The following RALGAPA2 variants were observed in gnomAD, a reference collection of about 807,000 sequenced individuals.
The protein encoded by RALGAPA2 is ral GTPase-activating protein subunit alpha-2.
In RALGAPA2, 139 loss-of-function variants were observed where a neutral mutation model predicts 230.4. That is an observed-to-expected ratio of 0.60 (90% CI 0.53 to 0.69). The LOEUF is 0.69. RALGAPA2 is among the 30% of genes least tolerant of loss of function. The pLI, the probability that RALGAPA2 is intolerant of heterozygous loss-of-function variation, is 0.00. For synonymous variants in RALGAPA2, 847 were observed against 837.8 expected, an observed-to-expected ratio of 1.01 and a Z score of -0.19; for missense variants, 2,163 against 2,276.0, an observed-to-expected ratio of 0.95 and a Z score of 1.01.
intron 30 of RALGAPA2, among the ~76,000 whole-genome samples, chr20:20,522,295 A>T (rs977653685): frequency 6.6e-6 from 1 of 152,192 alleles, no homozygotes; most frequent in South Asian, 2.1e-4. Flanking sequence ...TATTGGTCCA[A>T]AACTCTAAAC....
At chr20:20,645,025 G>A (rs770272345) in intron 4 of RALGAPA2, among the ~76,000 whole-genome samples, 1 of 151,560 alleles carries the variant, frequency 6.6e-6, no homozygotes, top group Non-Finnish European at 1.5e-5. Context: ...ACTTTCTCCT[G>A]GTCATTGTGT....
At chr20:20,575,467 T>C (rs546521251) in intron 20 of RALGAPA2, among the ~76,000 whole-genome samples, 1 of 151,762 alleles carries the variant, frequency 6.6e-6, no homozygotes, top group South Asian at 2.1e-4. Context: ...ATGAAAACTC[T>C]CCTTTAATCC....
rs575231751 is a variant in RALGAPA2 at position 20,640,985 on chromosome 20, T to A, written c.373-107A>T. On this transcript the variant is annotated intron_variant, in intron 5 of 39. Transcript: ENST00000202677. ...GAAAAACTACAAGTTAAAGGTGTGT[T>A]AAGTAGTAAACCAAATTCTTCACTT... The A allele has an allele frequency of 2.0e-5, 20 of 1,017,736 alleles. No individual in the cohort carries two copies. The Admixed American group carries it at 2.2e-4, about 11-fold the overall frequency. 63.0% of individuals were successfully genotyped at this position (1,017,736 alleles called of 1,614,324 possible). A position where few individuals can be genotyped will look rare whatever the true frequency, so the allele number is the denominator to read the frequency against.
At chr20:20,491,207 C>T (rs1163572125) in intron 36 of RALGAPA2, among the ~76,000 whole-genome samples, 1 of 152,154 alleles carries the variant, frequency 6.6e-6, no homozygotes, top group East Asian at 1.9e-4. Flanking sequence ...ACTTCCCCTC[C>T]TACGCTTTTC....
chr20:20,458,805 C>T (rs1476868938), intron 37 of RALGAPA2, among the ~76,000 whole-genome samples: 2 of 127,278 alleles, frequency 1.6e-5, no homozygotes, highest in African/African-American at 3.1e-5. Context: ...TATATATAGA[C>T]CTATATATAT....
At chr20:20,619,459 T>G (rs2066255956) in intron 11 of RALGAPA2, 45 bp from the exon 12 acceptor site, 1 of 1,404,986 alleles carries the variant, frequency 7.1e-7, no homozygotes, top group Non-Finnish European at 9.4e-7. Flanking sequence ...GATGCACGTG[T>G]TTAACTTGCA....
rs1209831551 is a variant in RALGAPA2 at position 20,556,291 on chromosome 20, C to T, written c.3157-9459G>A. On this transcript the variant is annotated intron_variant, in intron 23 of 39. Transcript: ENST00000202677. ...AACACAACACCCTGCCTGAAGCCCA[C>T]AGATCAAGAGGGGCTGCTGTCTTTC... Among the ~76,000 whole-genome samples, 7 of 152,302 alleles carry T rather than the reference C, an allele frequency of 4.6e-5. No individual in the cohort carries two copies. In the East Asian group the frequency reaches 1.4e-3, roughly 29 times the overall value.
chr20:20,639,887 T>C lies in RALGAPA2; in HGVS notation c.564A>G (p.Pro188=). 6.2e-7 allele frequency: 1 copy of C among 1,610,418 alleles called. No individual in the cohort carries two copies. Among genetic ancestry groups the C allele is most frequent in the Non-Finnish European group, 8.5e-7 (1 of 1,176,728 alleles). Residue 188 remains proline, a synonymous_variant, in exon 7 of 40, where the codon CCA becomes CCG. Transcript: ENST00000202677. Reference sequence around the variant, plus strand: ...CTGGTAGGAGTGGAGTGATTTCTTCTGGATATATCTTTACTGAAAGGACAG... The same window carrying C: ...CTGGTAGGAGTGGAGTGATTTCTTCCGGATATATCTTTACTGAAAGGACAG... ...SPSVADVKIY[P]EEITPLLPAI...
intron 23 of RALGAPA2, among the ~76,000 whole-genome samples, chr20:20,559,579 C>A (rs565916580): frequency 5.8e-4 from 88 of 152,298 alleles, no homozygotes; most frequent in African/African-American, 2.0e-3. Flanking sequence ...GGACAAATAG[C>A]TTGCTGCTTC....
intron 37 of RALGAPA2, among the ~76,000 whole-genome samples, chr20:20,461,310 A>C (rs1357329369): frequency 6.6e-6 from 1 of 152,220 alleles, no homozygotes. Flanking sequence ...ATACTCCTTA[A>C]ATTTAAAACT....
chr20:20,575,507 C>CA (rs1473218545), intron 20 of RALGAPA2, among the ~76,000 whole-genome samples: 1 of 151,832 alleles, frequency 6.6e-6, no homozygotes, highest in Non-Finnish European at 1.5e-5. Context: ...TCTCTGCACT[C>CA]AGACGTGTTG....
At chr20:20,484,926 GC>G (rs2123497133) in intron 36 of RALGAPA2, among the ~76,000 whole-genome samples, 1 of 152,320 alleles carries the variant, frequency 6.6e-6, no homozygotes, top group East Asian at 1.9e-4. Context: ...GGCTAGAGGG[GC>G]TAACCGATTT....
At chr20:20,535,662 GT>G in intron 26 of RALGAPA2, 82 bp downstream of exon 26, 3 of 1,482,334 alleles carry the variant, frequency 2.0e-6, no homozygotes, top group Non-Finnish European at 2.7e-6. Flanking sequence ...AAGAATAAGT[GT>G]TTTCTTTTGT....
intron 31 of RALGAPA2, among the ~76,000 whole-genome samples, chr20:20,515,946 G>T (rs2062858180): frequency 2.0e-5 from 3 of 152,200 alleles, no homozygotes; most frequent in Admixed American, 1.3e-4. Flanking sequence ...ATGGCCTGCG[G>T]CAGATCTGGG....
chr20:20,575,412 T>G (rs542613150), intron 20 of RALGAPA2, among the ~76,000 whole-genome samples: 2 of 152,100 alleles, frequency 1.3e-5, no homozygotes, highest in East Asian at 1.9e-4. Flanking sequence ...TTTGTTTTTT[T>G]TTTTTTTCCT....
chr20:20,610,112 CT>C (rs11477081), intron 14 of RALGAPA2, among the ~76,000 whole-genome samples: 12,476 of 152,168 alleles, frequency 0.082, 730 homozygotes, highest in East Asian at 0.16. Context: ...TCTAGATATG[CT>C]TTTTAACATA....
intron 38 of RALGAPA2, 100 bp from the exon 39 acceptor site, chr20:20,396,834 G>T: frequency 9.8e-7 from 1 of 1,018,538 alleles, no homozygotes; most frequent in Non-Finnish European, 1.5e-6. Context: ...TTATCCCTGA[G>T]CTGCCCAAGC....
intron 20 of RALGAPA2, among the ~76,000 whole-genome samples, chr20:20,582,581 G>T (rs982104947): frequency 6.6e-6 from 1 of 152,046 alleles, no homozygotes; most frequent in African/African-American, 2.4e-5. Flanking sequence ...TTGGACTAGG[G>T]TCCCAAGATA....
chr20:20,460,397 G>A (rs1320412903), intron 37 of RALGAPA2, among the ~76,000 whole-genome samples: 1 of 152,096 alleles, frequency 6.6e-6, no homozygotes, highest in African/African-American at 2.4e-5. Flanking sequence ...AAGGTCTGAG[G>A]TCAGCTATGA....
Sources: allele counts gnomAD v4.1 joint callset (sites outside exome capture counted in the v4.1 genomes callset), GRCh38; gene constraint gnomAD v4.1.1; transcripts MANE v1.5; gene names NCBI Gene and HGNC (gene_info 2026-07-23, HGNC 2026-07-21).